The following SEMA6A variants were observed in gnomAD, a reference collection of about 807,000 sequenced individuals.
SEMA6A encodes the protein semaphorin 6A, also known as semaphorin-6A.
Under a neutral mutation model 96.8 loss-of-function variants are expected in SEMA6A, and 25 were observed. The ratio of observed to expected loss-of-function variants is 0.26; its 90% CI spans 0.19 to 0.36. The LOEUF (loss-of-function observed/expected upper bound fraction) is 0.36. SEMA6A is among the 10% of genes least tolerant of loss of function. The pLI, the probability that SEMA6A is intolerant of heterozygous loss-of-function variation, is 1.00. For missense variants in SEMA6A, 1,363 were observed against 1,323.1 expected (o/e 1.03, Z -0.47); for synonymous variants, 612 against 518.0 (o/e 1.18, Z -2.46).
chr5:116,531,355 T>C (rs906362261), intron 1 of SEMA6A, among the ~76,000 whole-genome samples: 42 of 152,188 alleles, frequency 2.8e-4, no homozygotes, highest in African/African-American at 1.0e-3. Context: ...CCTCCAGCTT[T>C]TGGGAATTGT....
intron 1 of SEMA6A, among the ~76,000 whole-genome samples, chr5:116,541,548 G>A (rs1759963750): frequency 6.6e-6 from 1 of 152,126 alleles, no homozygotes; most frequent in African/African-American, 2.4e-5. Context: ...AATAGTTAGA[G>A]CAGGCCGGGT....
chr5:116,546,363 G>C (rs991333802), intron 1 of SEMA6A, among the ~76,000 whole-genome samples: 1 of 152,218 alleles, frequency 6.6e-6, no homozygotes, highest in Non-Finnish European at 1.5e-5. Context: ...CCTATAATGA[G>C]TTAGCTCACT....
rs1757923468 is a variant in SEMA6A at position 116,502,323 on chromosome 5, T to C, written c.105A>G (p.Thr35=). ...EPISISHGNY[T]KQYPVFVGHK... ...GGCCCACAAACACCGGATACTGTTT[T>C]GTATCTGTGAAAAGAGGAGATGGGG... is the stretch of plus-strand genomic sequence containing the variant. The change falls in exon 3 of 19, where the codon ACA becomes ACG. Residue 35 remains threonine (T), a synonymous_variant. Transcript: ENST00000343348. 1 of 1,613,662 alleles carries C rather than the reference T, an allele frequency of 6.2e-7. No individual in the cohort carries two copies. The highest frequency in any genetic ancestry group is 8.5e-7 in the Non-Finnish European group (1 of 1,179,654).
At chr5:116,509,132 A>G (rs1758282685) in intron 1 of SEMA6A, among the ~76,000 whole-genome samples, 1 of 152,194 alleles carries the variant, frequency 6.6e-6, no homozygotes, top group Non-Finnish European at 1.5e-5. Context: ...TATGAATACA[A>G]TTTGTGTCTG....
At chr5:116,569,381 G>A (rs1761123380) in intron 1 of SEMA6A, among the ~76,000 whole-genome samples, 1 of 152,154 alleles carries the variant, frequency 6.6e-6, no homozygotes, top group Non-Finnish European at 1.5e-5. Flanking sequence ...GCAAGCCCAA[G>A]GGGTGGAGGT....
intron 11 of SEMA6A, among the ~76,000 whole-genome samples, chr5:116,482,198 A>C (rs1756813586): frequency 6.6e-6 from 1 of 152,156 alleles, no homozygotes; most frequent in Non-Finnish European, 1.5e-5. Context: ...GTGACACCTC[A>C]GATGGTTTCC....
At chr5:116,487,035 C>T in intron 9 of SEMA6A, 69 bp from the exon 10 acceptor site, 2 of 1,106,088 alleles carry the variant, frequency 1.8e-6, no homozygotes, top group East Asian at 4.8e-5. Context: ...GTAGAATCTG[C>T]ATTCCTTGAA....
rs182557130 is a variant in SEMA6A at position 116,574,766 on chromosome 5, G to A, written c.-620C>T. 0.01 allele frequency: 1,545 copies of A among 152,492 alleles called. 16 individuals are homozygous for A. The highest frequency in any genetic ancestry group is 0.067 in the Middle Eastern group (20 of 298). 9.4% of individuals were successfully genotyped at this position (152,492 alleles called of 1,614,324 possible). On this transcript the variant is annotated 5_prime_UTR_variant, in exon 1 of 19. Transcript: ENST00000343348. ...CTGGGTTCCGAGCGCCTGGGCAGCC[G>A]AGTGCGCGGGGAGCGGAGTTGGCTG...
At chr5:116,475,033 A>C (rs1756379874) in intron 16 of SEMA6A, among the ~76,000 whole-genome samples, 1 of 152,186 alleles carries the variant, frequency 6.6e-6, no homozygotes, top group African/African-American at 2.4e-5. Context: ...ATTGCCTTGT[A>C]CTTGTGGGTT....
rs770735331 is a variant in SEMA6A, at chr5:116,467,625, G to T, written c.1852C>A (p.Pro618Thr). The T allele has an allele frequency of 1.9e-6, 3 of 1,613,252 alleles. No individual in the cohort carries two copies. The highest frequency in any genetic ancestry group is 3.3e-5 in the Admixed American group (2 of 59,926). The change falls in exon 18 of 19, where the codon CCT becomes ACT. Residue 618 changes from proline (P) to threonine (T), a missense_variant. By Grantham distance (38) the Pro-to-Thr change is conservative. Coordinates refer to ENST00000343348, the MANE Select transcript of SEMA6A (RefSeq NM_020796.5). ...HLLDSPDSTDPLGAVSSHNHQ... is the reference protein window; with the variant it reads ...HLLDSPDSTDTLGAVSSHNHQ... ...TTATGGGAAGACACTGCCCCCAAAG[G>T]GTCTGTGCTGTCAGGTGAGTCAAGC...
chr5:116,506,709 GA>G (rs1351763093), intron 1 of SEMA6A, among the ~76,000 whole-genome samples: 1 of 152,056 alleles, frequency 6.6e-6, no homozygotes, highest in African/African-American at 2.4e-5. Flanking sequence ...GGGTCAGGGA[GA>G]ACTGGCAACT....
intron 1 of SEMA6A, chr5:116,536,347 C>T (rs1759707910): frequency 6.6e-6 from 1 of 151,980 alleles, no homozygotes. Flanking sequence ...TCCTGCTTGG[C>T]TGGTTTTAAA....
At chr5:116,455,565 A>G (rs1580447622) in intron 18 of SEMA6A, among the ~76,000 whole-genome samples, 1 of 152,334 alleles carries the variant, frequency 6.6e-6, no homozygotes, top group East Asian at 1.9e-4. Context: ...CATCAAAGCC[A>G]CAAAATGGAG....
At chr5:116,472,071 C>G (rs1756177469) in intron 17 of SEMA6A, among the ~76,000 whole-genome samples, 1 of 152,008 alleles carries the variant, frequency 6.6e-6, no homozygotes, top group Non-Finnish European at 1.5e-5. Flanking sequence ...AATGCAGAGG[C>G]TTAAATTTGC....
intron 1 of SEMA6A, among the ~76,000 whole-genome samples, chr5:116,571,799 C>T (rs1761226565): frequency 2.0e-5 from 3 of 152,164 alleles, no homozygotes; most frequent in African/African-American, 7.2e-5. Context: ...TAAAACTGCT[C>T]CATGTAGACT....
chr5:116,489,122 C>G, intron 7 of SEMA6A, 115 bp from the exon 8 acceptor site: 3 of 1,197,404 alleles, frequency 2.5e-6, no homozygotes, highest in Non-Finnish European at 3.3e-6. Flanking sequence ...GATAGCACAA[C>G]TGGGAAAAAT....
intron 18 of SEMA6A, among the ~76,000 whole-genome samples, chr5:116,464,323 CAG>C (rs1439232890): frequency 6.6e-6 from 1 of 152,080 alleles, no homozygotes; most frequent in Non-Finnish European, 1.5e-5. Context: ...AGAGATAAAA[CAG>C]AGCAGTTGGC....
At chr5:116,504,740 A>G (rs1311006287) in intron 2 of SEMA6A, 105 bp downstream of exon 2, 2 of 867,060 alleles carry the variant, frequency 2.3e-6, no homozygotes, top group Non-Finnish European at 3.7e-6. Flanking sequence ...CAGAGGACTA[A>G]TAAGTCACCT....
intron 1 of SEMA6A, among the ~76,000 whole-genome samples, chr5:116,541,639 CCTG>C (rs1759967531): frequency 6.6e-6 from 1 of 152,128 alleles, no homozygotes; most frequent in Admixed American, 6.5e-5. Flanking sequence ...TCGAGACCAG[CCTG>C]GCCAACATGG....
Sources: allele counts gnomAD v4.1 joint callset (sites outside exome capture counted in the v4.1 genomes callset), GRCh38; gene constraint gnomAD v4.1.1; transcripts MANE v1.5; gene names NCBI Gene and HGNC (gene_info 2026-07-23, HGNC 2026-07-21).